The following CAPZA1 variants were observed in gnomAD, a reference collection of about 807,000 sequenced individuals.
CAPZA1 encodes F-actin-capping protein subunit alpha-1.
In CAPZA1, 10 loss-of-function variants were observed where a neutral mutation model predicts 40.8. The observed-to-expected ratio is 0.25, with a 90% CI of 0.15 to 0.42. CAPZA1 has a LOEUF of 0.42. Among genes scored for constraint, CAPZA1 ranks in the 10% least tolerant of loss-of-function variants. The pLI, the probability that CAPZA1 is intolerant of heterozygous loss-of-function variation, is 1.00. For synonymous variants in CAPZA1, 98 were observed against 115.0 expected (o/e 0.85, Z 0.95); for missense variants, 277 against 353.8 (o/e 0.78, Z 1.74).
chr1:112,634,422 G>A (rs1670979023), intron 1 of CAPZA1, among the ~76,000 whole-genome samples: 1 of 152,168 alleles, frequency 6.6e-6, no homozygotes, highest in Non-Finnish European at 1.5e-5. Context: ...GTAAAAAGTT[G>A]TGTAGTTATT....
At chr1:112,635,954 G>A (rs967118212) in intron 1 of CAPZA1, among the ~76,000 whole-genome samples, 1 of 152,096 alleles carries the variant, frequency 6.6e-6, no homozygotes, top group East Asian at 1.9e-4. Flanking sequence ...GCTTGAACCC[G>A]GGAGGCGGAG....
At chr1:112,645,843 T>C (rs1671270278) in intron 1 of CAPZA1, among the ~76,000 whole-genome samples, 1 of 151,668 alleles carries the variant, frequency 6.6e-6, no homozygotes, top group African/African-American at 2.4e-5. Context: ...GTGCCTGTAG[T>C]CCCAGCTACT....
At chr1:112,648,523 G>A (rs1346704048) in intron 2 of CAPZA1, among the ~76,000 whole-genome samples, 4 of 151,234 alleles carry the variant, frequency 2.6e-5, no homozygotes, top group Non-Finnish European at 5.9e-5. Context: ...TCACCATGTT[G>A]GCCAGGATGG....
At chr1:112,664,115 C>T (rs1671674673) in intron 7 of CAPZA1, among the ~76,000 whole-genome samples, 1 of 151,938 alleles carries the variant, frequency 6.6e-6, no homozygotes, top group South Asian at 2.1e-4. Context: ...ACCTGTAGTC[C>T]CAGCTACGTG....
chr1:112,621,765 T>TG lies in CAPZA1; in HGVS notation c.39+1882_39+1883insG, dbSNP rs1262219328. The stretch of plus-strand genomic sequence containing the variant: ...ACATTAATGTCTTGGGTTATGGTTT[T>TG]TTTTTTTTTTTTTTGAGATGGAGTC... On this transcript the variant is annotated intron_variant, in intron 1 of 9. Coordinates refer to ENST00000263168, the MANE Select transcript of CAPZA1 (RefSeq NM_006135.3). Among the ~76,000 whole-genome samples, 22 of 148,706 alleles carry TG rather than the reference T, an allele frequency of 1.5e-4. No individual in the cohort carries two copies. In the South Asian group the frequency reaches 4.6e-3, roughly 31 times the overall value.
At position 112,649,432 on chromosome 1, in the gene CAPZA1, C is replaced by A. The variant is rs764801142; in HGVS notation, c.118C>A (p.Leu40Ile). ...TTCCTCCTCAGACGTTCGGCTACTA[C>A]TTAATAATGACAATCTCCTCAGGGA... ...NEVFNDVRLL[L>I]NNDNLLREGA... The change falls in exon 3 of 10, where the codon CTT (leucine) becomes ATT (isoleucine). Residue 40 changes from leucine to isoleucine, a missense_variant. Transcript: ENST00000263168. 6.8e-6 allele frequency: 11 copies of A among 1,612,728 alleles called. No individual in the cohort carries two copies. In the African/African-American group the frequency reaches 1.5e-4, roughly 22 times the overall value.
intron 1 of CAPZA1, chr1:112,620,194 G>A (rs528997047): frequency 3.4e-4 from 101 of 296,398 alleles, no homozygotes; most frequent in African/African-American, 2.1e-3. Context: ...TTTTGCGAGA[G>A]GGTGGTGGTT....
chr1:112,630,458 C>T lies in CAPZA1; in HGVS notation c.39+10575C>T, dbSNP rs775313798. 5.6e-4 allele frequency among the ~76,000 whole-genome samples: 85 copies of T among 152,184 alleles called. 1 individual carries two copies. The highest frequency in any genetic ancestry group is 1.0e-3 in the Non-Finnish European group (70 of 68,040). ...CCCCAGGTTCAAGCGATTCTCCTGT[C>T]TCAGCCTCCCGAGTAGCTGGGATTA... is the stretch of plus-strand genomic sequence containing the variant. On this transcript the variant is annotated intron_variant, in intron 1 of 9. Transcript: ENST00000263168.
intron 1 of CAPZA1, among the ~76,000 whole-genome samples, chr1:112,643,131 A>AT (rs1671209959): frequency 6.6e-6 from 1 of 152,192 alleles, no homozygotes; most frequent in Non-Finnish European, 1.5e-5. Context: ...AGGATTACTG[A>AT]TTTTTTAAAT....
intron 5 of CAPZA1, 67 bp from the exon 6 acceptor site, chr1:112,658,955 G>A: frequency 8.6e-7 from 1 of 1,158,254 alleles, no homozygotes; most frequent in Middle Eastern, 2.0e-4. Flanking sequence ...CTCTGCTTTT[G>A]TACAATGCAT....
intron 1 of CAPZA1, among the ~76,000 whole-genome samples, chr1:112,643,480 A>G (rs540760121): frequency 4.6e-5 from 7 of 152,320 alleles, no homozygotes; most frequent in Admixed American, 2.0e-4. Context: ...GCCTGTTTCC[A>G]GGTAGTCCAC....
intron 7 of CAPZA1, among the ~76,000 whole-genome samples, chr1:112,661,909 G>C (rs1241852107): frequency 6.6e-6 from 1 of 152,162 alleles, no homozygotes; most frequent in Non-Finnish European, 1.5e-5. Context: ...TTAAATTTTG[G>C]AGTGAGAATT....
At chr1:112,639,072 A>G (rs1350846706) in intron 1 of CAPZA1, among the ~76,000 whole-genome samples, 1 of 147,402 alleles carries the variant, frequency 6.8e-6, no homozygotes, top group Admixed American at 6.9e-5. Context: ...ATTGTGTTCA[A>G]ATAGTGAAAA....
At chr1:112,621,849 C>T (rs536112289) in intron 1 of CAPZA1, among the ~76,000 whole-genome samples, 155 of 147,150 alleles carry the variant, frequency 1.1e-3, no homozygotes, top group African/African-American at 3.7e-3. Flanking sequence ...GCAACCTCTG[C>T]CTCTCTGGTT....
At chr1:112,625,192 A>G (rs1207948672) in intron 1 of CAPZA1, among the ~76,000 whole-genome samples, 2 of 152,170 alleles carry the variant, frequency 1.3e-5, no homozygotes, top group South Asian at 2.1e-4. Context: ...AGCATCTGCC[A>G]TCATTGGTGC....
intron 1 of CAPZA1, among the ~76,000 whole-genome samples, chr1:112,626,723 T>G (rs1670815359): frequency 6.6e-6 from 1 of 152,240 alleles, no homozygotes; most frequent in South Asian, 2.1e-4. Flanking sequence ...TCTTTATACA[T>G]CCTTCCTGGT....
intron 9 of CAPZA1, 63 bp from the exon 10 acceptor site, chr1:112,669,929 C>T: frequency 6.3e-7 from 1 of 1,585,568 alleles, no homozygotes; most frequent in Non-Finnish European, 8.7e-7. Context: ...TATAGCATTA[C>T]TTTTCTGTTC....
chr1:112,641,551 A>C (rs575836235), intron 1 of CAPZA1, among the ~76,000 whole-genome samples: 3 of 152,226 alleles, frequency 2.0e-5, no homozygotes, highest in African/African-American at 7.2e-5. Context: ...TACATACTTA[A>C]AAACTGAATT....
intron 2 of CAPZA1, among the ~76,000 whole-genome samples, chr1:112,648,499 G>A (rs1015389058): frequency 1.3e-5 from 2 of 151,558 alleles, no homozygotes; most frequent in African/African-American, 4.8e-5. Context: ...TGTATTTTTA[G>A]AAGAGATGGG....
Sources: gnomAD v4.1 joint callset for allele counts (sites outside exome capture counted in the v4.1 genomes callset) on GRCh38, gnomAD v4.1.1 for gene constraint, MANE v1.5 for transcripts, NCBI Gene and HGNC (gene_info 2026-07-23, HGNC 2026-07-21) for gene names.